The following MED13L variants were observed in gnomAD, a reference collection of about 807,000 sequenced individuals.
MED13L encodes mediator of RNA polymerase II transcription subunit 13-like.
In MED13L, 7 loss-of-function variants were observed where a neutral mutation model predicts 220.9. The observed-to-expected ratio is 0.03, with a 90% CI of 0.02 to 0.06. MED13L has a LOEUF of 0.06. MED13L is among the 10% of genes least tolerant of loss of function. The probability of loss-of-function intolerance (pLI) is 1.00; values close to 1 mark genes in which losing one functional copy is unlikely to be tolerated. For synonymous variants in MED13L, 1,011 were observed against 1,015.2 expected (o/e 1.00, Z 0.08); for missense variants, 1,965 against 2,760.5 (o/e 0.71, Z 6.46).
chr12:116,081,810 T>C (rs1593021585), intron 4 of MED13L, among the ~76,000 whole-genome samples: 1 of 152,164 alleles, frequency 6.6e-6, no homozygotes, highest in African/African-American at 2.4e-5. Flanking sequence ...GCGGCTGCAG[T>C]GAGCTGTGAT....
chr12:116,262,328 T>C (rs1236773868), intron 1 of MED13L, among the ~76,000 whole-genome samples: 2 of 152,210 alleles, frequency 1.3e-5, no homozygotes, highest in Admixed American at 6.5e-5. Flanking sequence ...TGGGCTGTTT[T>C]ACTTATTTCT....
intron 4 of MED13L, among the ~76,000 whole-genome samples, chr12:116,090,957 T>C (rs1442322096): frequency 6.6e-6 from 1 of 151,928 alleles, no homozygotes; most frequent in African/African-American, 2.4e-5. Flanking sequence ...AAATCCCGTC[T>C]CTACTAAAAA....
intron 1 of MED13L, among the ~76,000 whole-genome samples, chr12:116,262,819 GT>G (rs1373739005): frequency 6.6e-6 from 1 of 152,140 alleles, no homozygotes; most frequent in Admixed American, 6.5e-5. Context: ...ATCTGTCTGG[GT>G]TGCAAAGCTC....
chr12:116,005,781 A>T, intron 13 of MED13L, 88 bp downstream of exon 13: 4 of 1,537,290 alleles, frequency 2.6e-6, no homozygotes, highest in South Asian at 1.1e-5. Context: ...CAAATTCAGG[A>T]CACCAAACTA....
chr12:116,088,871 A>T (rs1042249721), intron 4 of MED13L, among the ~76,000 whole-genome samples: 1 of 152,142 alleles, frequency 6.6e-6, no homozygotes, highest in African/African-American at 2.4e-5. Context: ...TCTCCACACT[A>T]TATCATTGTT....
chr12:116,101,752 T>C (rs2137841585), intron 3 of MED13L, among the ~76,000 whole-genome samples: 1 of 152,294 alleles, frequency 6.6e-6, no homozygotes, highest in East Asian at 1.9e-4. Flanking sequence ...TAATTTCCCC[T>C]TTTTTACACT....
intron 29 of MED13L, among the ~76,000 whole-genome samples, chr12:115,963,969 C>T (rs1875957013): frequency 1.3e-5 from 2 of 151,952 alleles, no homozygotes; most frequent in South Asian, 4.2e-4. Flanking sequence ...TGCCTGTAGT[C>T]CCAGCTACTC....
At chr12:116,153,479 T>C (rs886345617) in intron 2 of MED13L, among the ~76,000 whole-genome samples, 1 of 152,166 alleles carries the variant, frequency 6.6e-6, no homozygotes, top group Admixed American at 6.6e-5. Context: ...TCAATTTCTG[T>C]AATAGCAATA....
intron 2 of MED13L, among the ~76,000 whole-genome samples, chr12:116,178,350 T>C (rs894505958): frequency 6.6e-6 from 1 of 152,198 alleles, no homozygotes; most frequent in Non-Finnish European, 1.5e-5. Context: ...AATTCCAATT[T>C]TTTCATAATT....
intron 2 of MED13L, among the ~76,000 whole-genome samples, chr12:116,208,895 A>C (rs1882521237): frequency 6.6e-6 from 1 of 152,108 alleles, no homozygotes; most frequent in Non-Finnish European, 1.5e-5. Flanking sequence ...CTTGAGCCCC[A>C]GAGTTTGAGG....
chr12:116,174,079 G>C (rs1879876554), intron 2 of MED13L, among the ~76,000 whole-genome samples: 1 of 152,152 alleles, frequency 6.6e-6, no homozygotes, highest in Non-Finnish European at 1.5e-5. Flanking sequence ...GGGTTACAGA[G>C]CAAGACCCTG....
intron 7 of MED13L, among the ~76,000 whole-genome samples, chr12:116,016,931 G>A (rs764846071): frequency 2.0e-5 from 3 of 152,180 alleles, no homozygotes; most frequent in Non-Finnish European, 2.9e-5. Context: ...AGACGGCAAA[G>A]TAGCCCATTC....
chr12:116,111,464 G>A lies in MED13L; in HGVS notation c.359C>T (p.Thr120Met), dbSNP rs765903997. Residue 120 changes from threonine (T) to methionine (M), a missense_variant, in exon 3 of 31, where the codon ACG (threonine) becomes ATG (methionine). By Grantham distance (81) the Thr-to-Met change is moderately conservative (BLOSUM62 -1). This residue lies in a region of MED13L where 818 missense variants were observed against 1,041.2 expected (regional missense o/e 0.79). Transcript: ENST00000281928. ...ATTGTGGATCGCTTTGAAGAGCAGC[G>A]TCCTACATTCATAGGAAAGGCCATT... ...WENGLSYECR[T>M]LLFKAIHNLL... 9 of 1,610,282 alleles carry A rather than the reference G, an allele frequency of 5.6e-6. No individual in the cohort carries two copies. Among genetic ancestry groups the A allele is most frequent in the African/African-American group, 5.4e-5 (4 of 74,208 alleles).
intron 3 of MED13L, among the ~76,000 whole-genome samples, chr12:116,100,707 T>C (rs1296760880): frequency 1.3e-5 from 2 of 151,954 alleles, no homozygotes; most frequent in Non-Finnish European, 2.9e-5. Flanking sequence ...GGCCAGGAGT[T>C]TGACACCAGA....
intron 14 of MED13L, among the ~76,000 whole-genome samples, chr12:115,998,820 A>G (rs879065690): frequency 1.3e-5 from 2 of 152,204 alleles, no homozygotes; most frequent in Admixed American, 1.3e-4. Context: ...GCGATGCTCC[A>G]CTGCTACTTA....
At chr12:116,104,938 C>CA (rs2137863312) in intron 3 of MED13L, among the ~76,000 whole-genome samples, 1 of 152,238 alleles carries the variant, frequency 6.6e-6, no homozygotes, top group African/African-American at 2.4e-5. Context: ...AAGAAAAACT[C>CA]TTTTAAGTTT....
chr12:116,276,443 G>A, intron 1 of MED13L: 1 of 1,288,648 alleles, frequency 7.8e-7, no homozygotes, highest in Non-Finnish European at 1.0e-6. Flanking sequence ...CCGTCGGCTC[G>A]GTGCAATGGC....
At chr12:116,023,484 T>C (rs1259218758) in intron 4 of MED13L, among the ~76,000 whole-genome samples, 1 of 152,158 alleles carries the variant, frequency 6.6e-6, no homozygotes, top group African/African-American at 2.4e-5. Flanking sequence ...TTAAAAGTCA[T>C]CTCAAAGATG....
At chr12:116,060,609 A>G (rs928425067) in intron 4 of MED13L, among the ~76,000 whole-genome samples, 5 of 151,704 alleles carry the variant, frequency 3.3e-5, no homozygotes, top group African/African-American at 9.7e-5. Context: ...AAAATTTGCA[A>G]AAGACAATAT....
Sources: gnomAD v4.1 joint callset for allele counts (sites outside exome capture counted in the v4.1 genomes callset) on GRCh38, gnomAD v4.1.1 for gene constraint, gnomAD v4.1.1 regional missense constraint, MANE v1.5 for transcripts, NCBI Gene and HGNC (gene_info 2026-07-23, HGNC 2026-07-21) for gene names.